Variants in SPNS2 observed in about 807,000 individuals in gnomAD.
SPNS2 encodes the protein sphingosine-1-phosphate transporter SPNS2.
In SPNS2, 37 loss-of-function variants were observed where a neutral mutation model predicts 57.6. The ratio of observed to expected loss-of-function variants is 0.64; its 90% CI spans 0.49 to 0.85. The LOEUF (loss-of-function observed/expected upper bound fraction) is 0.85, where lower values mean the gene tolerates loss of function less well. Among genes scored for constraint, SPNS2 ranks in the 40% least tolerant of loss-of-function variants. The pLI is 0.00. For missense variants in SPNS2, 831 were observed against 779.1 expected (o/e 1.07, Z -0.79); for synonymous variants, 440 against 346.9 (o/e 1.27, Z -2.98).
At chr17:4,526,691 T>TGCCA (rs1339293089) in intron 3 of SPNS2, among the ~76,000 whole-genome samples, 1 of 152,110 alleles carries the variant, frequency 6.6e-6, no homozygotes, top group Non-Finnish European at 1.5e-5. Flanking sequence ...GAACCTTGAA[T>TGCCA]GCCAGGCTAG....
At chr17:4,514,066 T>C (rs1270546876) in intron 2 of SPNS2, among the ~76,000 whole-genome samples, 1 of 152,248 alleles carries the variant, frequency 6.6e-6, no homozygotes, top group Non-Finnish European at 1.5e-5. Context: ...CTGTGGGAGC[T>C]GGGCCCTTGG....
In SPNS2 at chr17:4,533,144, G is replaced by A. The variant is rs760970111; in HGVS notation, c.1088+15G>A. ...GCCAAGGACAGGTGGGGCCCCGCGGGGTGGGCCCAGGGCTGGTGAGGGACC... is the reference window on the plus strand; with the variant it reads ...GCCAAGGACAGGTGGGGCCCCGCGGAGTGGGCCCAGGGCTGGTGAGGGACC... On this transcript the variant is annotated intron_variant, in intron 7 of 12. Coordinates refer to ENST00000329078, the MANE Select transcript of SPNS2 (RefSeq NM_001124758.3). 4 of 1,600,374 alleles carry A rather than the reference G, an allele frequency of 2.5e-6. No homozygotes were observed. Among genetic ancestry groups the A allele is most frequent in the Non-Finnish European group, 2.6e-6 (3 of 1,172,622 alleles).
At chr17:4,522,396 A>G (rs1905161847) in intron 2 of SPNS2, among the ~76,000 whole-genome samples, 1 of 152,066 alleles carries the variant, frequency 6.6e-6, no homozygotes, top group African/African-American at 2.4e-5. Context: ...GTGCACCCGC[A>G]TGCTGATTCT....
chr17:4,537,817 G>A lies in SPNS2; in HGVS notation c.*369G>A, dbSNP rs1427270211. 2.2e-6 allele frequency: 1 copy of A among 455,326 alleles called. No homozygotes were observed. The highest frequency in any genetic ancestry group is 4.4e-6 in the Non-Finnish European group (1 of 225,928). The allele number at this position is 455,326 out of a possible 1,614,324, so 28.2% of individuals were successfully genotyped here. A position where few individuals can be genotyped will look rare whatever the true frequency, so the allele number is the denominator to read the frequency against. ...GCCCTCCCTGGAACGAAGGGCCAGG[G>A]GGCTGGACTTTCCCACACAACTTGC... On this transcript the variant is annotated 3_prime_UTR_variant, in exon 13 of 13. Coordinates refer to ENST00000329078, the MANE Select transcript of SPNS2 (RefSeq NM_001124758.3).
chr17:4,532,950 C>T (rs1311826979), intron 6 of SPNS2, 27 bp from the exon 7 acceptor site: 1 of 1,598,464 alleles, frequency 6.3e-7, no homozygotes, highest in East Asian at 2.2e-5. Context: ...TCCCTGAGCT[C>T]AGTGTCACTG....
At chr17:4,532,445 T>C in intron 5 of SPNS2, 97 bp from the exon 6 acceptor site, 1 of 1,557,770 alleles carries the variant, frequency 6.4e-7, no homozygotes, top group Non-Finnish European at 8.8e-7. Context: ...GAGAAGCCTA[T>C]GGCCCAGAGA....
chr17:4,509,614 G>A (rs1904776087), intron 1 of SPNS2, among the ~76,000 whole-genome samples: 1 of 152,254 alleles, frequency 6.6e-6, no homozygotes, highest in South Asian at 2.1e-4. Flanking sequence ...CCCAAGCCAA[G>A]GACTGACCCA....
intron 10 of SPNS2, 44 bp downstream of exon 10, chr17:4,536,218 C>T (rs776155025): frequency 1.2e-6 from 2 of 1,608,406 alleles, no homozygotes; most frequent in Admixed American, 3.3e-5. Flanking sequence ...GGCTGGGGGA[C>T]TGCAGGAGGG....
At chr17:4,526,603 CAA>C (rs370457376) in intron 3 of SPNS2, among the ~76,000 whole-genome samples, 30,561 of 128,344 alleles carry the variant, frequency 0.24, 3,310 homozygotes, top group African/African-American at 0.26. Context: ...AACTCCATCT[CAA>C]AAAAAAAAAA....
intron 1 of SPNS2, among the ~76,000 whole-genome samples, 165 bp from the exon 2 acceptor site, chr17:4,513,082 A>C (rs1198613738): frequency 6.6e-6 from 1 of 152,206 alleles, no homozygotes; most frequent in Non-Finnish European, 1.5e-5. Context: ...CCGGGGAGGC[A>C]GGAGGGAAGC....
In SPNS2 at chr17:4,520,227, C is replaced by T. The variant is rs1013675372; in HGVS notation, c.437-4830C>T. 1.2e-4 allele frequency among the ~76,000 whole-genome samples: 18 copies of T among 152,250 alleles called. No homozygotes were observed. In the South Asian group the frequency reaches 1.2e-3, roughly 11 times the overall value. On this transcript the variant is annotated intron_variant, in intron 2 of 12. Coordinates refer to ENST00000329078, the MANE Select transcript of SPNS2 (RefSeq NM_001124758.3). The stretch of plus-strand genomic sequence containing the variant: ...TTGGGCAAGTTCATCAGGCTGGGGC[C>T]GGTGGGTGGGGACGGGGCGTGCCAG...
chr17:4,532,167 TGTCC>T (rs1597369136), intron 5 of SPNS2, among the ~76,000 whole-genome samples: 1 of 151,428 alleles, frequency 6.6e-6, no homozygotes, highest in African/African-American at 2.5e-5. Context: ...TCTGTCCATC[TGTCC>T]ATCTATCCGT....
chr17:4,518,535 AAAAC>A (rs60632471), intron 2 of SPNS2, among the ~76,000 whole-genome samples: 42 of 152,134 alleles, frequency 2.8e-4, no homozygotes, highest in Admixed American at 1.0e-3. Flanking sequence ...AAACAAAACA[AAAAC>A]AAACAAACAA....
chr17:4,527,594 C>G (rs963993966), intron 3 of SPNS2, among the ~76,000 whole-genome samples: 1 of 152,200 alleles, frequency 6.6e-6, no homozygotes. Flanking sequence ...TAGCTACAGA[C>G]AGTTTCAGGA....
chr17:4,532,278 T>C (rs1303851243), intron 5 of SPNS2, among the ~76,000 whole-genome samples: 5 of 152,040 alleles, frequency 3.3e-5, no homozygotes, highest in African/African-American at 9.7e-5. Flanking sequence ...CACCCCTCCT[T>C]CTTCCTTCAG....
At chr17:4,522,956 C>G (rs1031099881) in intron 2 of SPNS2, among the ~76,000 whole-genome samples, 23 of 152,246 alleles carry the variant, frequency 1.5e-4, no homozygotes, top group African/African-American at 4.8e-4. Flanking sequence ...CCTTTCTCAC[C>G]CATGGACGTC....
At position 4,511,218 on chromosome 17, in the gene SPNS2, C is replaced by T. The variant is rs1365301551; in HGVS notation, c.371-2029C>T. 6.6e-6 allele frequency among the ~76,000 whole-genome samples: 1 copy of T among 152,040 alleles called. No individual in the cohort carries two copies. The highest frequency in any genetic ancestry group is 1.5e-5 in the Non-Finnish European group (1 of 68,000). ...AGTTTGGACAGGGGAAGAGTGGGGGCAACTAACTTATTGAGGGTGGTGGGA... is the reference window on the plus strand; with the variant it reads ...AGTTTGGACAGGGGAAGAGTGGGGGTAACTAACTTATTGAGGGTGGTGGGA... On this transcript the variant is annotated intron_variant, in intron 1 of 12. Transcript: ENST00000329078. This position sits in a 1 kb window ranked among gnomAD's most constrained non-coding sequence, Gnocchi z 4.6.
chr17:4,499,547 G>A lies in SPNS2; in HGVS notation c.370+130G>A. Reference sequence around the variant, plus strand: ...TCCAGGCCCTACGTGAGGTCCCTACGGACCCTCTGCTCAGGCACAACTGGG... The same window carrying A: ...TCCAGGCCCTACGTGAGGTCCCTACAGACCCTCTGCTCAGGCACAACTGGG... On this transcript the variant is annotated intron_variant, in intron 1 of 12. Coordinates refer to ENST00000329078, the MANE Select transcript of SPNS2 (RefSeq NM_001124758.3). This position sits in a 1 kb window ranked among gnomAD's most constrained non-coding sequence, Gnocchi z 5.2. 1 of 536,588 alleles carries A rather than the reference G, an allele frequency of 1.9e-6. No homozygotes were observed. Among genetic ancestry groups the A allele is most frequent in the Non-Finnish European group, 3.0e-6 (1 of 336,156 alleles). The allele number at this position is 536,588 out of a possible 1,614,324, so 33.2% of individuals were successfully genotyped here. A position where few individuals can be genotyped will look rare whatever the true frequency, so the allele number is the denominator to read the frequency against.
Position 4,530,613 on chromosome 17 carries a change from C to T in SPNS2, c.574-19C>T. On this transcript the variant is annotated intron_variant, in intron 3 of 12. Coordinates refer to ENST00000329078, the MANE Select transcript of SPNS2 (RefSeq NM_001124758.3). ...CGGTGGGTAGTCGGTCCCCCAGCAT[C>T]CTCCACCCCTCCTCACAGTACTTCT... 4 of 1,603,740 alleles carry T rather than the reference C, an allele frequency of 2.5e-6. No homozygotes were observed. Among genetic ancestry groups the T allele is most frequent in the Non-Finnish European group, 2.6e-6 (3 of 1,174,440 alleles).
Sources: allele counts gnomAD v4.1 joint callset (sites outside exome capture counted in the v4.1 genomes callset), GRCh38; gene constraint gnomAD v4.1.1; non-coding constraint Gnocchi (gnomAD v3.1); transcripts MANE v1.5; gene names NCBI Gene and HGNC (gene_info 2026-07-23, HGNC 2026-07-21).